The following CD8B variants were observed in gnomAD, a reference collection of about 807,000 sequenced individuals.
The protein encoded by CD8B is T-cell surface glycoprotein CD8 beta chain.
Under a neutral mutation model 24.2 loss-of-function variants are expected in CD8B, and 6 were observed. The ratio of observed to expected loss-of-function variants is 0.25; its 90% CI spans 0.14 to 0.49. The LOEUF (loss-of-function observed/expected upper bound fraction) is 0.49, where lower values mean the gene tolerates loss of function less well. Among genes scored for constraint, CD8B ranks in the 20% least tolerant of loss-of-function variants. The pLI is 0.98. For synonymous variants in CD8B, 84 were observed against 108.3 expected (o/e 0.78, Z 1.39); for missense variants, 196 against 271.3 (o/e 0.72, Z 1.95).
intron 5 of CD8B, among the ~76,000 whole-genome samples, chr2:86,825,238 G>A (rs1390210175): frequency 4.6e-5 from 7 of 152,044 alleles, no homozygotes; most frequent in East Asian, 1.9e-4. Flanking sequence ...CCTACATAAC[G>A]TCCCCACATA....
At chr2:86,815,433 G>T (rs1674195052), downstream of CD8B, 5 of 597,228 alleles carry the variant, frequency 8.4e-6, no homozygotes, top group Non-Finnish European at 6.0e-6. Context: ...GACACTTTGG[G>T]GTTCACAAGG....
At chr2:86,821,905 C>G (rs565669016) in intron 5 of CD8B, among the ~76,000 whole-genome samples, 32 of 152,246 alleles carry the variant, frequency 2.1e-4, no homozygotes, top group African/African-American at 7.5e-4. Context: ...TTTGCCTTTT[C>G]GAGGCCCGCT....
At chr2:86,853,552 ATGTT>A (rs1460654853) in intron 2 of CD8B, among the ~76,000 whole-genome samples, 9 of 152,146 alleles carry the variant, frequency 5.9e-5, no homozygotes, top group Middle Eastern at 3.4e-3. Context: ...GAGCAATAGA[ATGTT>A]TGATCTGCTT....
chr2:86,850,501 C>T (rs1466086426), intron 3 of CD8B, among the ~76,000 whole-genome samples: 1 of 152,160 alleles, frequency 6.6e-6, no homozygotes, highest in Admixed American at 6.5e-5. Flanking sequence ...TTTAGCCCTG[C>T]ATCCCCCATT....
chr2:86,820,031 G>T (rs1182297646), intron 5 of CD8B, among the ~76,000 whole-genome samples: 1 of 152,204 alleles, frequency 6.6e-6, no homozygotes, highest in Non-Finnish European at 1.5e-5. Context: ...AGATAGAAGT[G>T]GAGTCTGAAG....
downstream of CD8B, among the ~76,000 whole-genome samples, chr2:86,835,293 C>T (rs1675132167): frequency 6.6e-6 from 1 of 152,234 alleles, no homozygotes; most frequent in African/African-American, 2.4e-5. Flanking sequence ...TCAACCAAAG[C>T]CTGCTTGTCT....
chr2:86,846,504 A>G (rs139322949), intron 4 of CD8B, among the ~76,000 whole-genome samples, 180 bp downstream of exon 4: 5 of 152,088 alleles, frequency 3.3e-5, no homozygotes, highest in African/African-American at 1.2e-4. Flanking sequence ...GGGACAGGGT[A>G]GTCTTTGGTT....
intron 3 of CD8B, among the ~76,000 whole-genome samples, chr2:86,847,509 G>A (rs1203229854): frequency 2.0e-5 from 3 of 152,104 alleles, no homozygotes; most frequent in Admixed American, 6.5e-5. Flanking sequence ...CTCTTTCCAT[G>A]CCTATGTAAT....
At chr2:86,828,074 G>C (rs1674761272) in intron 5 of CD8B, among the ~76,000 whole-genome samples, 1 of 152,152 alleles carries the variant, frequency 6.6e-6, no homozygotes, top group Non-Finnish European at 1.5e-5. Flanking sequence ...TAGGCTTAGC[G>C]ACCTGCTTAT....
At chr2:86,832,989 T>TA in intron 5 of CD8B, 1 of 203,010 alleles carries the variant, frequency 4.9e-6, no homozygotes, top group South Asian at 3.9e-5. Flanking sequence ...CCTCCCCTCT[T>TA]CTCTCCTCTC....
At chr2:86,850,088 T>G (rs1167324152) in intron 3 of CD8B, among the ~76,000 whole-genome samples, 1 of 151,866 alleles carries the variant, frequency 6.6e-6, no homozygotes, top group African/African-American at 2.4e-5. Context: ...TGAGGAGAGG[T>G]CATGGTTAAG....
intron 2 of CD8B, among the ~76,000 whole-genome samples, chr2:86,857,728 T>A (rs989528781): frequency 1.6e-3 from 239 of 152,012 alleles, no homozygotes; most frequent in African/African-American, 4.1e-3. Context: ...TCAAAAAAAA[T>A]AATAATAATA....
At chr2:86,857,701 C>T (rs1025689654) in intron 2 of CD8B, among the ~76,000 whole-genome samples, 19 of 152,084 alleles carry the variant, frequency 1.2e-4, no homozygotes, top group African/African-American at 4.1e-4. Flanking sequence ...GCCTGGGCAA[C>T]ACAGTGAGGC....
At chr2:86,844,574 T>G (rs1675580531) in intron 5 of CD8B, 3 of 1,323,414 alleles carry the variant, frequency 2.3e-6, no homozygotes, top group Non-Finnish European at 3.0e-6. Context: ...TTTAACTTAC[T>G]GGTCAGGTTT....
At chr2:86,836,414 G>A (rs1675180769), downstream of CD8B, among the ~76,000 whole-genome samples, 1 of 152,116 alleles carries the variant, frequency 6.6e-6, no homozygotes, top group African/African-American at 2.4e-5. Flanking sequence ...TCCTGGCCAT[G>A]CCGCACCCCT....
chr2:86,818,678 C>T (rs1674352812), intron 5 of CD8B, among the ~76,000 whole-genome samples: 1 of 151,552 alleles, frequency 6.6e-6, no homozygotes, highest in East Asian at 1.9e-4. Flanking sequence ...CTCCTTAGGC[C>T]CCCCTATGCC....
At chr2:86,846,927 ATTTTTTTTTTT>A (rs60980294) in intron 3 of CD8B, among the ~76,000 whole-genome samples, 154 bp from the exon 4 acceptor site, 42 of 58,876 alleles carry the variant, frequency 7.1e-4, no homozygotes, top group African/African-American at 3.1e-3. Context: ...TTCCTCAAGT[ATTTTTTTTTTT>A]TTTTTTTTTT....
Position 86,826,683 on chromosome 2 carries a change from G to A in CD8B, c.621-10965C>T, listed in dbSNP as rs551837762. 1.1e-4 allele frequency among the ~76,000 whole-genome samples: 17 copies of A among 152,270 alleles called. No individual in the cohort carries two copies. The South Asian group carries it at 3.5e-3, about 32-fold the overall frequency. On this transcript the variant is annotated intron_variant, in intron 5 of 5. Coordinates refer to the CD8B transcript ENST00000331469. ...TTTTTAAGAAGTAGAACAGGTTCAA[G>A]GTTATTCCTGTAGACGACAGTGTCG...
chr2:86,836,190 C>T (rs71259936), downstream of CD8B, among the ~76,000 whole-genome samples: 6 of 151,866 alleles, frequency 4.0e-5, no homozygotes, highest in Non-Finnish European at 5.9e-5. Context: ...GGCTGTGCTC[C>T]CAGCTTGTGG....
Sources: allele counts gnomAD v4.1 joint callset (sites outside exome capture counted in the v4.1 genomes callset), GRCh38; gene constraint gnomAD v4.1.1; transcripts MANE v1.5; gene names NCBI Gene and HGNC (gene_info 2026-07-23, HGNC 2026-07-21).